DDX20: variants seen among roughly 807,000 people sequenced by gnomAD.
The protein encoded by DDX20 is probable ATP-dependent RNA helicase DDX20.
Under a neutral mutation model 76.4 loss-of-function variants are expected in DDX20, and 61 were observed. The ratio of observed to expected loss-of-function variants is 0.80; its 90% confidence interval spans 0.65 to 0.99. DDX20 has a LOEUF of 0.99. DDX20 is among the 50% of genes least tolerant of loss of function. The pLI, the probability that DDX20 is intolerant of heterozygous loss-of-function variation, is 0.00. For missense variants in DDX20, 976 were observed against 996.8 expected (o/e 0.98, Z 0.28); for synonymous variants, 357 against 357.4 (o/e 1.00, Z 0.01).
At chr1:111,758,533 A>AT (rs753056002) in intron 2 of DDX20, among the ~76,000 whole-genome samples, 6 of 151,908 alleles carry the variant, frequency 3.9e-5, no homozygotes, top group Non-Finnish European at 7.4e-5. Context: ...GAATTCTGTC[A>AT]TGTGGGCCTT....
chr1:111,762,737 G>T lies in DDX20; in HGVS notation c.1165G>T (p.Asp389Tyr), dbSNP rs1249533582. 1 of 1,613,698 alleles carries T rather than the reference G, an allele frequency of 6.2e-7. No individual in the cohort carries two copies. Among genetic ancestry groups the T allele is most frequent in the South Asian group, 1.1e-5 (1 of 91,058 alleles). Residue 389 changes from aspartate (D) to tyrosine (Y), a missense_variant, in exon 9 of 11, where the codon GAT becomes TAT. Transcript: ENST00000369702. Reference protein sequence around the residue: ...NLVVNLDVPLDWETYMHRIGR... With the variant: ...NLVVNLDVPLYWETYMHRIGR... ...GGTTGTAAATCTGGATGTACCATTG[G>T]ATTGGGAGACATACATGCATCGGAT...
intron 7 of DDX20, chr1:111,761,994 C>G (rs1663685043): frequency 3.2e-6 from 1 of 310,248 alleles, no homozygotes; most frequent in African/African-American, 2.2e-5. Context: ...TGTAACTTTG[C>G]AAATAGAATG....
intron 2 of DDX20, among the ~76,000 whole-genome samples, chr1:111,757,832 A>G (rs981780305): frequency 6.6e-6 from 1 of 152,066 alleles, no homozygotes; most frequent in African/African-American, 2.4e-5. Context: ...AGCAGATAAA[A>G]TGCTGAAATC....
In DDX20 at chr1:111,756,712, C is replaced by T; in HGVS notation, c.368C>T (p.Ser123Phe). The T allele has an allele frequency of 6.2e-7, 1 of 1,614,132 alleles. No homozygotes were observed. Among genetic ancestry groups the T allele is most frequent in the Non-Finnish European group, 8.5e-7 (1 of 1,180,002 alleles). The change falls in exon 2 of 11, where the codon TCT (serine) becomes TTT (phenylalanine). Residue 123 changes from serine (S) to phenylalanine (F), a missense_variant. Transcript: ENST00000369702. ...TCVFSTIALD[S>F]LVLENLSTQI... ...GTGTTCTCCACCATAGCTTTGGACTCTCTTGTTCTTGAAAACTTAAGTACC... is the reference window on the plus strand; with the variant it reads ...GTGTTCTCCACCATAGCTTTGGACTTTCTTGTTCTTGAAAACTTAAGTACC...
At position 111,760,773 on chromosome 1, in the gene DDX20, T is replaced by C; in HGVS notation, c.748T>C (p.Leu250=). 1 of 1,613,870 alleles carries C rather than the reference T, an allele frequency of 6.2e-7. No individual in the cohort carries two copies. Among genetic ancestry groups the C allele is most frequent in the Non-Finnish European group, 8.5e-7 (1 of 1,179,924 alleles). ...AGTATCAGCTACTTATCCCGAATTT[T>C]TGGCTAATGCTTTGACAAAGTACAT... ...LAVSATYPEF[L]ANALTKYMRD... is the part of the protein sequence containing the mutation. Residue 250 remains leucine, a synonymous_variant, in exon 5 of 11, where the codon TTG becomes CTG. Transcript: ENST00000369702.
rs766960380 is a variant in DDX20 at position 111,765,603 on chromosome 1, A to G, written c.1313-134A>G. ...TTCAGTCTTTAAAAATGTTATATCT[A>G]TTAAACATCTTAGTATATTTGCATA... On this transcript the variant is annotated intron_variant, in intron 10 of 10. Transcript: ENST00000369702. 7 of 752,402 alleles carry G rather than the reference A, an allele frequency of 9.3e-6. No homozygotes were observed. In the South Asian group the frequency reaches 1.1e-4, roughly 12 times the overall value. 46.6% of individuals were successfully genotyped at this position (752,402 alleles called of 1,614,324 possible).
chr1:111,759,996 G>GAAATGA (rs1472579023), intron 3 of DDX20, among the ~76,000 whole-genome samples: 1 of 88,352 alleles, frequency 1.1e-5, no homozygotes, highest in Non-Finnish European at 2.2e-5. Context: ...AAAAAAAAAA[G>GAAATGA]AAATGAAGAG....
In DDX20 at chr1:111,767,222, C is replaced by A. The variant is rs931318477; in HGVS notation, c.*323C>A. 1.5e-5 allele frequency: 3 copies of A among 198,738 alleles called. No homozygotes were observed. The highest frequency in any genetic ancestry group is 5.3e-5 in the Admixed American group (1 of 18,942). The allele number at this position is 198,738 out of a possible 1,614,324, so 12.3% of individuals were successfully genotyped here. On this transcript the variant is annotated 3_prime_UTR_variant, in exon 11 of 11. Transcript: ENST00000369702. ...CATTTAAAAAGATGACATATACCAC[C>A]ACTTACTTAAAAACAATAAAAGCAA...
intron 2 of DDX20, among the ~76,000 whole-genome samples, chr1:111,757,017 A>T (rs1390248014): frequency 6.6e-6 from 1 of 151,544 alleles, no homozygotes; most frequent in Non-Finnish European, 1.5e-5. Flanking sequence ...GACTTGATTC[A>T]TGGTAATGTA....
Position 111,767,942 on chromosome 1 carries a change from T to G in DDX20, c.*1043T>G, listed in dbSNP as rs1658466594. ...CTAATGTTAGGATCCAAGAGGAGCTTGGATCTGAGCTGATGCATCTGTAAA... is the reference window on the plus strand; with the variant it reads ...CTAATGTTAGGATCCAAGAGGAGCTGGGATCTGAGCTGATGCATCTGTAAA... On this transcript the variant is annotated 3_prime_UTR_variant, in exon 11 of 11. Transcript: ENST00000369702. 2 of 152,210 alleles carry G rather than the reference T, an allele frequency of 1.3e-5. No homozygotes were observed. The highest frequency in any genetic ancestry group is 4.8e-5 in the African/African-American group (2 of 41,448). The allele number at this position is 152,210 out of a possible 1,614,324, so 9.4% of individuals were successfully genotyped here. A position where few individuals can be genotyped will look rare whatever the true frequency, so the allele number is the denominator to read the frequency against.
At chr1:111,763,948 T>C (rs197408) in intron 10 of DDX20, among the ~76,000 whole-genome samples, 28,859 of 152,052 alleles carry the variant, frequency 0.19, 3,767 homozygotes, top group African/African-American at 0.37. Flanking sequence ...ATACAGAAAA[T>C]GTGCACTATA....
In DDX20 at chr1:111,766,362, T is replaced by C; in HGVS notation, c.1938T>C (p.Ser646=). The change falls in exon 11 of 11, where the codon AGT becomes AGC. Residue 646 remains serine (S), a synonymous_variant. Coordinates refer to ENST00000369702, the MANE Select transcript of DDX20 (RefSeq NM_007204.5). The part of the protein sequence containing the change: ...IEQRVPVLAS[S]SQSGDSESDS... ...AGAGAGTCCCTGTGTTGGCAAGTAG[T>C]AGCCAATCTGGAGACTCTGAGAGTG... 1 of 1,614,166 alleles carries C rather than the reference T, an allele frequency of 6.2e-7. No individual in the cohort carries two copies. Among genetic ancestry groups the C allele is most frequent in the Non-Finnish European group, 8.5e-7 (1 of 1,180,020 alleles).
intron 10 of DDX20, 118 bp from the exon 11 acceptor site, chr1:111,765,619 T>C: frequency 1.2e-6 from 1 of 844,466 alleles, no homozygotes; most frequent in Non-Finnish European, 1.8e-6. Flanking sequence ...CATCTTAGTA[T>C]ATTTGCATAT....
At chr1:111,757,804 G>C (rs372446975) in intron 2 of DDX20, among the ~76,000 whole-genome samples, 1 of 152,126 alleles carries the variant, frequency 6.6e-6, no homozygotes, top group Non-Finnish European at 1.5e-5. Context: ...TTGAGATTTT[G>C]GCTTCTGACA....
At chr1:111,756,346 G>A (rs1663553470) in intron 1 of DDX20, 121 bp downstream of exon 1, 4 of 1,041,614 alleles carry the variant, frequency 3.8e-6, no homozygotes, top group Non-Finnish European at 5.2e-6. Context: ...CCGGAGCAGG[G>A]CCCTGCCGGG....
chr1:111,765,908 C>T lies in DDX20; in HGVS notation c.1484C>T (p.Ser495Phe). Residue 495 changes from serine to phenylalanine, a missense_variant, in exon 11 of 11, where the codon TCC becomes TTC. Coordinates refer to ENST00000369702, the MANE Select transcript of DDX20 (RefSeq NM_007204.5). The stretch of plus-strand genomic sequence containing the variant: ...AAAGCTCATGGTGACCACATGGCTT[C>T]CTCTAGAAATAATTCTGTATCTGGA... Reference protein sequence around the residue: ...IQKAHGDHMASSRNNSVSGLS... With the variant: ...IQKAHGDHMAFSRNNSVSGLS... 1 of 1,613,848 alleles carries T rather than the reference C, an allele frequency of 6.2e-7. No individual in the cohort carries two copies. Among genetic ancestry groups the T allele is most frequent in the Non-Finnish European group, 8.5e-7 (1 of 1,179,956 alleles).
Position 111,760,753 on chromosome 1 carries a change from C to T in DDX20, c.728C>T (p.Ser243Leu). Residue 243 changes from serine to leucine, a missense_variant, in exon 5 of 11, where the codon TCA becomes TTA. This residue lies in a region of DDX20 where 630 missense variants were observed against 693.7 expected (regional missense o/e 0.91). Coordinates refer to ENST00000369702, the MANE Select transcript of DDX20 (RefSeq NM_007204.5). The part of the protein sequence containing the change: ...LPASKQMLAV[S>L]ATYPEFLANA... The stretch of plus-strand genomic sequence containing the variant: ...GCCAGTAAACAGATGCTGGCAGTAT[C>T]AGCTACTTATCCCGAATTTTTGGCT... 1 of 1,613,720 alleles carries T rather than the reference C, an allele frequency of 6.2e-7. No individual in the cohort carries two copies. The highest frequency in any genetic ancestry group is 8.5e-7 in the Non-Finnish European group (1 of 1,179,864).
In DDX20 at chr1:111,760,998, T is replaced by C. The variant is rs560615033; in HGVS notation, c.835T>C (p.Tyr279His). The change falls in exon 6 of 11, where the codon TAT (tyrosine) becomes CAT (histidine). Residue 279 changes from tyrosine (Y) to histidine (H), a missense_variant. By Grantham distance (83) the Tyr-to-His change is moderately conservative. This residue lies in a region of DDX20 where 630 missense variants were observed against 693.7 expected (regional missense o/e 0.91). Coordinates refer to ENST00000369702, the MANE Select transcript of DDX20 (RefSeq NM_007204.5). ...SDPSLIGLKQ[Y>H]YKVVNSYPLA... ...GCTCTTCTTTGTAGGTTTGAAGCAG[T>C]ATTACAAAGTTGTCAATTCATACCC... 2 of 1,613,310 alleles carry C rather than the reference T, an allele frequency of 1.2e-6. No individual in the cohort carries two copies. The highest frequency in any genetic ancestry group is 2.2e-5 in the East Asian group (1 of 44,856).
intron 3 of DDX20, among the ~76,000 whole-genome samples, chr1:111,760,152 T>C (rs1176255217): frequency 6.6e-6 from 1 of 152,174 alleles, no homozygotes; most frequent in Non-Finnish European, 1.5e-5. Flanking sequence ...TTCTAAGCCA[T>C]GGATTGGGAT....
Sources: gnomAD v4.1 joint callset for allele counts (sites outside exome capture counted in the v4.1 genomes callset) on GRCh38, gnomAD v4.1.1 for gene constraint, gnomAD v4.1.1 regional missense constraint, MANE v1.5 for transcripts, NCBI Gene and HGNC (gene_info 2026-07-23, HGNC 2026-07-21) for gene names.